The following LMTK3 variants were observed in gnomAD, a reference collection of about 807,000 sequenced individuals.
LMTK3 encodes lemur tail kinase 3.
A neutral mutation model predicts 116.7 loss-of-function variants in LMTK3; 27 were observed. That is an observed-to-expected ratio of 0.23 (90% CI 0.17 to 0.32). LMTK3 has a LOEUF of 0.32. LMTK3 is among the 10% of genes least tolerant of loss of function. The probability of loss-of-function intolerance (pLI) is 1.00; values close to 1 mark genes in which losing one functional copy is unlikely to be tolerated. For synonymous variants in LMTK3, 965 were observed against 971.0 expected (o/e 0.99, Z 0.11); for missense variants, 1,764 against 2,068.5 (o/e 0.85, Z 2.86).
chr19:48,506,030 TA>T, intron 5 of LMTK3, among the ~76,000 whole-genome samples: 1 of 151,240 alleles, frequency 6.6e-6, no homozygotes, highest in South Asian at 2.1e-4. Flanking sequence ...TAATCGCAGC[TA>T]CTCTGGAGGC....
intron 5 of LMTK3, among the ~76,000 whole-genome samples, chr19:48,504,001 G>A (rs149499137): frequency 0.037 from 5,662 of 152,124 alleles, 357 homozygotes; most frequent in African/African-American, 0.13. Context: ...CCGAGTAGCT[G>A]GGATTACAGA....
At position 48,498,175 on chromosome 19, in the gene LMTK3, G is replaced by A; in HGVS notation, c.2894C>T (p.Thr965Ile). Residue 965 changes from threonine to isoleucine, a missense_variant, in exon 11 of 15, where the codon ACA becomes ATA. Physicochemically the swap from Thr to Ile is moderately conservative, Grantham distance 89. Transcript: ENST00000600059. ...EEKVLENGEL[T>I]PPRREEKALE... is the part of the protein sequence containing the mutation. ...CGCTTTCTCCTCCCTCCTTGGGGGT[G>A]TCAGCTCCCCATTCTCCAGCACTTT... The A allele has an allele frequency of 6.2e-7, 1 of 1,613,262 alleles. No homozygotes were observed. Among genetic ancestry groups the A allele is most frequent in the Non-Finnish European group, 8.5e-7 (1 of 1,179,678 alleles).
At position 48,501,567 on chromosome 19, in the gene LMTK3, G is replaced by C; in HGVS notation, c.795-5C>G. The stretch of plus-strand genomic sequence containing the variant: ...CAGTTGCGCAGGGCCAGGTCGCTGC[G>C]GGAAGAACGCGAGGAGGTGAGCGCA... On this transcript the variant is annotated splice_region_variant and splice_polypyrimidine_tract_variant and intron_variant, in intron 7 of 14. Coordinates refer to ENST00000600059, the MANE Select transcript of LMTK3 (RefSeq NM_001388485.1). The C allele has an allele frequency of 2.5e-6, 4 of 1,603,644 alleles. No individual in the cohort carries two copies. Among genetic ancestry groups the C allele is most frequent in the South Asian group, 2.2e-5 (2 of 89,810 alleles).
rs759643958 is a variant in LMTK3 at position 48,498,641 on chromosome 19, C to A, written c.2428G>T (p.Gly810Trp). 2.9e-5 allele frequency: 45 copies of A among 1,542,364 alleles called. No individual in the cohort carries two copies. Among genetic ancestry groups the A allele is most frequent in the Middle Eastern group, 1.7e-4 (1 of 5,748 alleles). ...ACCCCTTCCTCCTCGGCCGCCCCCC[C>A]ACCTGGGAAGGCTCCCTCTGGGGAA... is the stretch of plus-strand genomic sequence containing the variant. ...PFSPEGAFPG[G>W]GAAEEEGVPR... Residue 810 changes from glycine to tryptophan, a missense_variant, in exon 11 of 15, where the codon GGG becomes TGG. Gly to Trp is a radical substitution (Grantham distance 184, BLOSUM62 -2). Transcript: ENST00000600059.
In LMTK3 at chr19:48,494,389, G is replaced by GTCCCCACCTCC. The variant is rs1455372613; in HGVS notation, c.3677-291_3677-281dup. ...GGCCTACCTGATTTCTCTGGCCTCT[G>GTCCCCACCTCC]TCCCCACCTCCTCTGGCCTGACCTC... On this transcript the variant is annotated intron_variant, in intron 11 of 14. Transcript: ENST00000600059. This position sits in a 1 kb window ranked among gnomAD's most constrained non-coding sequence, Gnocchi z 4.0. Among the ~76,000 whole-genome samples, 1 of 152,144 alleles carries GTCCCCACCTCC rather than the reference G, an allele frequency of 6.6e-6. No individual in the cohort carries two copies. Among genetic ancestry groups the GTCCCCACCTCC allele is most frequent in the Non-Finnish European group, 1.5e-5 (1 of 68,028 alleles).
intron 5 of LMTK3, among the ~76,000 whole-genome samples, chr19:48,503,396 C>T (rs755902597): frequency 2.6e-5 from 4 of 151,998 alleles, no homozygotes; most frequent in African/African-American, 7.2e-5. Context: ...TCTCTCTCCT[C>T]GACCACACCC....
In LMTK3 at chr19:48,499,595, C is replaced by G. The variant is rs755811752; in HGVS notation, c.1474G>C (p.Gly492Arg). ...EKARRGAGRG[G>R]GAPAWQPASA... ...GCCGGCTGCCAGGCAGGTGCCCCCC[C>G]ACCCCGGCCGGCCCCACGCCGGGCC... is the stretch of plus-strand genomic sequence containing the variant. The change falls in exon 11 of 15, where the codon GGG becomes CGG. Residue 492 changes from glycine to arginine, a missense_variant. Physicochemically the swap from Gly to Arg is moderately radical, Grantham distance 125 (BLOSUM62 -2). Around this residue, in one of 7 missense-constraint regions of LMTK3, gnomAD observed 1,028 missense variants for 1,050.6 expected, o/e 0.98. Transcript: ENST00000600059. 38 of 1,537,846 alleles carry G rather than the reference C, an allele frequency of 2.5e-5. No individual in the cohort carries two copies. Among genetic ancestry groups the G allele is most frequent in the South Asian group, 9.6e-5 (8 of 83,402 alleles).
chr19:48,502,395 C>CCTCATCACCTGACCCCGCCTCCCTCTCA, intron 7 of LMTK3, 38 bp downstream of exon 7: 3 of 1,600,300 alleles, frequency 1.9e-6, no homozygotes, highest in Non-Finnish European at 2.6e-6. Flanking sequence ...TCCCCCTTCC[C>CCTCATCACCTGACCCCGCCTCCCTCTCA]CTTAGTAGCT....
In LMTK3 at chr19:48,500,001, AG is replaced by A. The variant is rs1314504854; in HGVS notation, c.1152-85del. On this transcript the variant is annotated intron_variant, in intron 10 of 14. Transcript: ENST00000600059. This position sits in a 1 kb window ranked among gnomAD's most constrained non-coding sequence, Gnocchi z 4.0. ...AGGGAGGGGACAGACAACCAGAGAG[AG>A]GGGGACAGAGACCCAGAGGGTAACA... The A allele has an allele frequency of 1.0e-4, 138 of 1,335,892 alleles. 1 individual carries two copies. In the South Asian group the frequency reaches 1.3e-3, roughly 13 times the overall value. The allele number at this position is 1,335,892 out of a possible 1,614,324, so 82.8% of individuals were successfully genotyped here.
At chr19:48,495,309 C>T (rs1972305966) in intron 11 of LMTK3, among the ~76,000 whole-genome samples, 1 of 152,110 alleles carries the variant, frequency 6.6e-6, no homozygotes. Context: ...CGCACCCAGC[C>T]TAGAGGGGGT....
intron 5 of LMTK3, among the ~76,000 whole-genome samples, chr19:48,505,081 T>TTCTCTCTC (rs59270444): frequency 7.4e-6 from 1 of 135,686 alleles, no homozygotes; most frequent in African/African-American, 3.4e-5. Flanking sequence ...CTCTGACAGT[T>TTCTCTCTC]TCTCTCTCTC....
intron 4 of LMTK3, 100 bp from the exon 5 acceptor site, chr19:48,509,069 T>C (rs1972614969): frequency 1.3e-6 from 1 of 750,406 alleles, no homozygotes; most frequent in Non-Finnish European, 2.2e-6. Context: ...CCCCGGCTCC[T>C]TCCCAGCTTC....
rs1193368030 is a variant in LMTK3 at position 48,499,598 on chromosome 19, C to T, written c.1471G>A (p.Gly491Ser). 1 of 1,537,520 alleles carries T rather than the reference C, an allele frequency of 6.5e-7. No individual in the cohort carries two copies. Among genetic ancestry groups the T allele is most frequent in the South Asian group, 1.2e-5 (1 of 83,376 alleles). ...WEKARRGAGR[G>S]GGAPAWQPAS... ...GGCTGCCAGGCAGGTGCCCCCCCACCCCGGCCGGCCCCACGCCGGGCCTTC... is the reference window on the plus strand; with the variant it reads ...GGCTGCCAGGCAGGTGCCCCCCCACTCCGGCCGGCCCCACGCCGGGCCTTC... Residue 491 changes from glycine (G) to serine (S), a missense_variant, in exon 11 of 15, where the codon GGT (glycine) becomes AGT (serine). This residue lies in a region of LMTK3 where 1,028 missense variants were observed against 1,050.6 expected (regional missense o/e 0.98). Transcript: ENST00000600059.
rs1050274777 is a variant in LMTK3, at chr19:48,491,623, C to T, written c.4093-84G>A. ...CATCCCCCAAAAGCAACAAAACCGG[C>T]TAATATTTCTGGGGCTCTAGGAATC... is the stretch of plus-strand genomic sequence containing the variant. On this transcript the variant is annotated intron_variant, in intron 12 of 14. Coordinates refer to ENST00000600059, the MANE Select transcript of LMTK3 (RefSeq NM_001388485.1). The surrounding 1 kb of genome is among the most constrained non-coding windows in gnomAD (Gnocchi z 5.1). 53 of 1,191,222 alleles carry T rather than the reference C, an allele frequency of 4.4e-5. No individual in the cohort carries two copies. The highest frequency in any genetic ancestry group is 3.1e-4 in the South Asian group (9 of 29,396). 73.8% of individuals were successfully genotyped at this position (1,191,222 alleles called of 1,614,324 possible). A position where few individuals can be genotyped will look rare whatever the true frequency, so the allele number is the denominator to read the frequency against.
At chr19:48,487,684 C>T (rs1306472549) in intron 14 of LMTK3, among the ~76,000 whole-genome samples, 1 of 152,100 alleles carries the variant, frequency 6.6e-6, no homozygotes, top group Non-Finnish European at 1.5e-5. Context: ...AGAATGAAAG[C>T]CCCATCCATT....
At position 48,497,711 on chromosome 19, in the gene LMTK3, C is replaced by T; in HGVS notation, c.3358G>A (p.Gly1120Arg). The T allele has an allele frequency of 7.5e-7, 1 of 1,331,714 alleles. No individual in the cohort carries two copies. Among genetic ancestry groups the T allele is most frequent in the Non-Finnish European group, 9.6e-7 (1 of 1,045,832 alleles). The allele number at this position is 1,331,714 out of a possible 1,614,324, so 82.5% of individuals were successfully genotyped here. A position where few individuals can be genotyped will look rare whatever the true frequency, so the allele number is the denominator to read the frequency against. Residue 1120 changes from glycine to arginine, a missense_variant, in exon 11 of 15, where the codon GGG becomes AGG. Around this residue, in one of 7 missense-constraint regions of LMTK3, gnomAD observed 1,028 missense variants for 1,050.6 expected, o/e 0.98. Coordinates refer to ENST00000600059, the MANE Select transcript of LMTK3 (RefSeq NM_001388485.1). This position sits in a 1 kb window ranked among gnomAD's most constrained non-coding sequence, Gnocchi z 5.7. ...GSGGRAPVGT[G>R]TAPGGGPGSG... ...CCGGGGCCGCCGCCGGGGGCCGTCC[C>T]CGTGCCCACTGGGGCTCGGCCCCCA... is the stretch of plus-strand genomic sequence containing the variant.
chr19:48,509,541 T>C (rs1255519688), intron 3 of LMTK3, 28 bp from the exon 4 acceptor site: 1 of 1,527,724 alleles, frequency 6.5e-7, no homozygotes, highest in Non-Finnish European at 8.8e-7. Context: ...GGAAAGCCCC[T>C]GAGTCTCTCC....
At chr19:48,501,792 C>CT (rs1349017896) in intron 7 of LMTK3, among the ~76,000 whole-genome samples, 1 of 151,764 alleles carries the variant, frequency 6.6e-6, no homozygotes, top group Non-Finnish European at 1.5e-5. Flanking sequence ...TCTGCACTGG[C>CT]TCCTCCTCTT....
intron 14 of LMTK3, among the ~76,000 whole-genome samples, chr19:48,488,730 A>G (rs1416893718): frequency 2.3e-5 from 3 of 129,394 alleles, no homozygotes; most frequent in Non-Finnish European, 4.7e-5. Flanking sequence ...GTTCCCAGTT[A>G]AATTACACTT....
Sources: gnomAD v4.1 joint callset for allele counts (sites outside exome capture counted in the v4.1 genomes callset) on GRCh38, gnomAD v4.1.1 for gene constraint, gnomAD v4.1.1 regional missense constraint, Gnocchi (gnomAD v3.1) non-coding constraint, MANE v1.5 for transcripts, NCBI Gene and HGNC (gene_info 2026-07-23, HGNC 2026-07-21) for gene names.